RFTN1: variants seen among roughly 807,000 people sequenced by gnomAD.
RFTN1 encodes the protein raftlin.
RFTN1 carries 26 observed loss-of-function variants against 46.5 expected under a neutral mutation model. The observed-to-expected ratio is 0.56, with a 90% CI of 0.41 to 0.78. The LOEUF (loss-of-function observed/expected upper bound fraction) is 0.78. Ranked by LOEUF, RFTN1 falls within the 30% of genes least tolerant of loss-of-function variation. The pLI, the probability that RFTN1 is intolerant of heterozygous loss-of-function variation, is 0.00. For missense variants in RFTN1, 693 were observed against 718.7 expected (o/e 0.96, Z 0.41); for synonymous variants, 261 against 284.2 (o/e 0.92, Z 0.82).
chr3:16,361,320 G>A lies in RFTN1; in HGVS notation c.1031-3273C>T, dbSNP rs1188623478. Among the ~76,000 whole-genome samples, 1 of 152,162 alleles carries A rather than the reference G, an allele frequency of 6.6e-6. No homozygotes were observed. Among genetic ancestry groups the A allele is most frequent in the African/African-American group, 2.4e-5 (1 of 41,446 alleles). On this transcript the variant is annotated intron_variant, in intron 6 of 9. Transcript: ENST00000334133. The surrounding 1 kb of genome is among the most constrained non-coding windows in gnomAD (Gnocchi z 4.3). ...CTACTGGGAATCTATTATGTGCCAAGTAGTCCTGTAGTCACTAGAGATCTC... is the reference window on the plus strand; with the variant it reads ...CTACTGGGAATCTATTATGTGCCAAATAGTCCTGTAGTCACTAGAGATCTC...
chr3:16,494,455 G>A (rs531125075), intron 1 of RFTN1, among the ~76,000 whole-genome samples: 5 of 152,096 alleles, frequency 3.3e-5, no homozygotes, highest in South Asian at 2.1e-4. Flanking sequence ...CTTTTTCTTC[G>A]TTTTTAGACC....
Position 16,374,071 on chromosome 3 carries a change from C to G in RFTN1, c.826+3647G>C, listed in dbSNP as rs7646072. Among the ~76,000 whole-genome samples, 54,897 of 152,112 alleles carry G rather than the reference C, an allele frequency of 0.36. 10,598 individuals carry two copies. Among genetic ancestry groups the G allele is most frequent in the African/African-American group, 0.49 (20,333 of 41,446 alleles). ...CAATCCACAGGACTCCACCTGCAAGCATGACAGCAGCCACAGGCATGTGTC... is the reference window on the plus strand; with the variant it reads ...CAATCCACAGGACTCCACCTGCAAGGATGACAGCAGCCACAGGCATGTGTC... On this transcript the variant is annotated intron_variant, in intron 5 of 9. Transcript: ENST00000334133. This position sits in a 1 kb window ranked among gnomAD's most constrained non-coding sequence, Gnocchi z 5.4.
At position 16,321,166 on chromosome 3, in the gene RFTN1, A is replaced by T. The variant is rs954608882; in HGVS notation, c.1332+2210T>A. Among the ~76,000 whole-genome samples the T allele has an allele frequency of 1.3e-5, 2 of 152,010 alleles. No homozygotes were observed. The highest frequency in any genetic ancestry group is 2.9e-5 in the Non-Finnish European group (2 of 67,978). ...TGGCGGTTGGCCAGGTGGGCGAGGT[A>T]TGGGGAGGGGGACAGTCATAGGTTT... On this transcript the variant is annotated intron_variant, in intron 9 of 9. Coordinates refer to ENST00000334133, the MANE Select transcript of RFTN1 (RefSeq NM_015150.2). The surrounding 1 kb of genome is among the most constrained non-coding windows in gnomAD (Gnocchi z 4.8).
rs1371621714 is a variant in RFTN1 at position 16,475,296 on chromosome 3, A to G, written c.145+18429T>C. ...CAGTTTCAAGTATTCTTTTATGGCA[A>G]TACAAACAGACCAAGACACCTAGTA... On this transcript the variant is annotated intron_variant, in intron 2 of 9. Transcript: ENST00000334133. This position sits in a 1 kb window ranked among gnomAD's most constrained non-coding sequence, Gnocchi z 4.2. Among the ~76,000 whole-genome samples the G allele has an allele frequency of 2.0e-5, 3 of 152,222 alleles. No individual in the cohort carries two copies. Among genetic ancestry groups the G allele is most frequent in the Admixed American group, 2.0e-4 (3 of 15,284 alleles).
At chr3:16,409,549 C>G in intron 3 of RFTN1, 66 bp from the exon 4 acceptor site, 1 of 1,125,976 alleles carries the variant, frequency 8.9e-7, no homozygotes, top group South Asian at 1.3e-5. Context: ...GACAGTCTCA[C>G]TCTTGTCACC....
chr3:16,454,113 C>T (rs2075864618), intron 2 of RFTN1, among the ~76,000 whole-genome samples: 1 of 152,308 alleles, frequency 6.6e-6, no homozygotes, highest in African/African-American at 2.4e-5. Context: ...GCCACTGTAA[C>T]CAGGTCTCCT....
rs755971769 is a variant in RFTN1, at chr3:16,351,652, C to T, written c.1146+6280G>A. Among the ~76,000 whole-genome samples the T allele has an allele frequency of 2.0e-5, 3 of 152,150 alleles. No individual in the cohort carries two copies. The highest frequency in any genetic ancestry group is 4.4e-5 in the Non-Finnish European group (3 of 68,030). On this transcript the variant is annotated intron_variant, in intron 7 of 9. Transcript: ENST00000334133. The surrounding 1 kb of genome is among the most constrained non-coding windows in gnomAD (Gnocchi z 5.4). ...TCTAGGATGCTCATGCCCTTCTGAC[C>T]TCACCAACTGAGCACTTCAGGGGTA...
At position 16,377,702 on chromosome 3, in the gene RFTN1, T is replaced by C. The variant is rs189280195; in HGVS notation, c.826+16A>G. ...CTCTTTAAGTGGGTCAAAACTCCCA[T>C]TGCTGACATACTTACTCCCTGAGAG... On this transcript the variant is annotated intron_variant, in intron 5 of 9. Transcript: ENST00000334133. 3.0e-4 allele frequency: 466 copies of C among 1,564,948 alleles called. 1 individual carries two copies. The African/African-American group carries it at 5.7e-3, about 19-fold the overall frequency.
At chr3:16,411,727 A>G (rs578165503) in intron 3 of RFTN1, among the ~76,000 whole-genome samples, 7 of 152,374 alleles carry the variant, frequency 4.6e-5, no homozygotes, top group African/African-American at 1.4e-4. Flanking sequence ...GTCTCAAACA[A>G]CAAAAATCAG....
chr3:16,318,020 C>T (rs905891080), intron 9 of RFTN1, among the ~76,000 whole-genome samples: 2 of 152,212 alleles, frequency 1.3e-5, no homozygotes, highest in African/African-American at 4.8e-5. Context: ...ATCTCAGAGG[C>T]CGCTTCCCGG....
rs562750988 is a variant in RFTN1 at position 16,414,000 on chromosome 3, C to T, written c.333-4517G>A. On this transcript the variant is annotated intron_variant, in intron 3 of 9. Transcript: ENST00000334133. This position sits in a 1 kb window ranked among gnomAD's most constrained non-coding sequence, Gnocchi z 4.7. ...ACAAAAAGAAGCAAAGCCCTTAGCA[C>T]AGAGGTACAACATCCAGGCTCAACA... 6.6e-6 allele frequency among the ~76,000 whole-genome samples: 1 copy of T among 152,320 alleles called. No homozygotes were observed. Among genetic ancestry groups the T allele is most frequent in the South Asian group, 2.1e-4 (1 of 4,830 alleles).
At chr3:16,436,747 C>T (rs1034610246) in intron 2 of RFTN1, among the ~76,000 whole-genome samples, 1 of 152,112 alleles carries the variant, frequency 6.6e-6, no homozygotes, top group Non-Finnish European at 1.5e-5. Flanking sequence ...TTATTATATT[C>T]CCAAATATGA....
In RFTN1 at chr3:16,361,736, A is replaced by T. The variant is rs1196016407; in HGVS notation, c.1031-3689T>A. ...CTCTGTTCATCTGACTTGCTTGGCC[A>T]ATGGGATATTAGCAGGTGTAATGCA... On this transcript the variant is annotated intron_variant, in intron 6 of 9. Transcript: ENST00000334133. This position sits in a 1 kb window ranked among gnomAD's most constrained non-coding sequence, Gnocchi z 4.3. Among the ~76,000 whole-genome samples the T allele has an allele frequency of 6.6e-6, 1 of 152,190 alleles. No homozygotes were observed. The highest frequency in any genetic ancestry group is 1.5e-5 in the Non-Finnish European group (1 of 68,030).
At chr3:16,508,212 TAC>T (rs1347917272) in intron 1 of RFTN1, among the ~76,000 whole-genome samples, 1 of 152,176 alleles carries the variant, frequency 6.6e-6, no homozygotes, top group Non-Finnish European at 1.5e-5. Flanking sequence ...ACAGCCACAG[TAC>T]CAGCCCTCCA....
In RFTN1 at chr3:16,491,648, T is replaced by TG. The variant is rs141323098; in HGVS notation, c.145+2076dup. ...CATTCAGAGACCAGCTATGAAGCAGTGGGGGGACAAAGCACTGCATGGAAA... is the reference window on the plus strand; with the variant it reads ...CATTCAGAGACCAGCTATGAAGCAGTGGGGGGGACAAAGCACTGCATGGAAA... On this transcript the variant is annotated intron_variant, in intron 2 of 9. Coordinates refer to ENST00000334133, the MANE Select transcript of RFTN1 (RefSeq NM_015150.2). Among the ~76,000 whole-genome samples, 1,101 of 151,780 alleles carry TG rather than the reference T, an allele frequency of 7.3e-3. 16 individuals carry two copies. The highest frequency in any genetic ancestry group is 0.025 in the African/African-American group (1,054 of 41,352).
intron 2 of RFTN1, among the ~76,000 whole-genome samples, chr3:16,441,067 G>C (rs577487102): frequency 1.3e-5 from 2 of 152,106 alleles, no homozygotes; most frequent in African/African-American, 4.8e-5. Flanking sequence ...TTGGCACTGA[G>C]ATGAACAAAA....
In RFTN1 at chr3:16,433,908, C is replaced by T. The variant is rs763978788; in HGVS notation, c.275G>A (p.Arg92Gln). The T allele has an allele frequency of 9.3e-6, 15 of 1,614,088 alleles. No homozygotes were observed. The highest frequency in any genetic ancestry group is 6.7e-5 in the East Asian group (3 of 44,894). The stretch of plus-strand genomic sequence containing the variant: ...GATGTGCTCCAGGGGCGTCTTCTCC[C>T]GCTCATGGGTGGGCTGCACGAAGGG... The part of the protein sequence containing the change: ...LHPFVQPTHE[R>Q]EKTPLEHIFR... Residue 92 changes from arginine to glutamine, a missense_variant, in exon 3 of 10, where the codon CGG (arginine) becomes CAG (glutamine). By Grantham distance (43) the Arg-to-Gln change is conservative. Coordinates refer to ENST00000334133, the MANE Select transcript of RFTN1 (RefSeq NM_015150.2). This position sits in a 1 kb window ranked among gnomAD's most constrained non-coding sequence, Gnocchi z 4.4.
chr3:16,472,847 C>T (rs1222157196), intron 2 of RFTN1, among the ~76,000 whole-genome samples: 1 of 152,164 alleles, frequency 6.6e-6, no homozygotes, highest in African/African-American at 2.4e-5. Context: ...AAAGCTGAGG[C>T]AAGGGGCCAG....
chr3:16,394,003 A>G (rs1326101611), intron 4 of RFTN1, among the ~76,000 whole-genome samples: 1 of 152,132 alleles, frequency 6.6e-6, no homozygotes, highest in East Asian at 1.9e-4. Context: ...AAAATTTAAA[A>G]TAATTCCTAC....
Sources: allele counts gnomAD v4.1 joint callset (sites outside exome capture counted in the v4.1 genomes callset), GRCh38; gene constraint gnomAD v4.1.1; non-coding constraint Gnocchi (gnomAD v3.1); transcripts MANE v1.5; gene names NCBI Gene and HGNC (gene_info 2026-07-23, HGNC 2026-07-21).